Variants in MTMR2 observed in about 807,000 individuals in gnomAD.
MTMR2 encodes the protein phosphatidylinositol-3,5-bisphosphate 3-phosphatase MTMR2.
MTMR2 carries 55 observed loss-of-function variants against 86.9 expected under a neutral mutation model. The ratio of observed to expected loss-of-function variants is 0.63; its 90% CI spans 0.51 to 0.79. The LOEUF is 0.79. Ranked by LOEUF, MTMR2 falls within the 30% of genes least tolerant of loss-of-function variation. The pLI is 0.00. For synonymous variants in MTMR2, 241 were observed against 266.8 expected (o/e 0.90, Z 0.94); for missense variants, 659 against 772.3 (o/e 0.85, Z 1.74).
intron 1 of MTMR2, among the ~76,000 whole-genome samples, chr11:95,907,642 G>A (rs1027019296): frequency 6.6e-6 from 1 of 152,148 alleles, no homozygotes. Context: ...GAATCAAGCA[G>A]TGCATCAAAA....
chr11:95,853,100 T>C (rs1864085579), intron 7 of MTMR2, among the ~76,000 whole-genome samples: 1 of 148,908 alleles, frequency 6.7e-6, no homozygotes, highest in African/African-American at 2.4e-5. Context: ...GTGAAAAATA[T>C]ATATTTCATA....
At chr11:95,846,477 G>A (rs1254545574) in intron 10 of MTMR2, among the ~76,000 whole-genome samples, 1 of 152,166 alleles carries the variant, frequency 6.6e-6, no homozygotes, top group Non-Finnish European at 1.5e-5. Flanking sequence ...GGGAATGCTG[G>A]TAGAACTCTT....
rs1325185186 is a variant in MTMR2 at position 95,834,927 on chromosome 11, C to G, written c.*363G>C. 1.7e-5 allele frequency: 5 copies of G among 293,000 alleles called. No individual in the cohort carries two copies. In the Admixed American group the frequency reaches 1.8e-4, roughly 11 times the overall value. 18.2% of individuals were successfully genotyped at this position (293,000 alleles called of 1,614,324 possible). On this transcript the variant is annotated 3_prime_UTR_variant, in exon 15 of 15. Transcript: ENST00000346299. Reference sequence around the variant, plus strand: ...TGTTGGTTTGAAAACTGATGTTCCTCTGCACAGTGAGCACAGAGTGTATTT... The same window carrying G: ...TGTTGGTTTGAAAACTGATGTTCCTGTGCACAGTGAGCACAGAGTGTATTT...
In MTMR2 at chr11:95,852,094, AAGAC is replaced by A. The variant is rs1027425825; in HGVS notation, c.655-1349_655-1346del. 2.0e-5 allele frequency among the ~76,000 whole-genome samples: 3 copies of A among 152,352 alleles called. 1 individual carries two copies. Among genetic ancestry groups the A allele is most frequent in the African/African-American group, 7.2e-5 (3 of 41,588 alleles). On this transcript the variant is annotated intron_variant, in intron 7 of 14. Transcript: ENST00000346299. ...TCTGAAAATTCTTATCAAACAGAAA[AAGAC>A]AGAATTGAAAGTGAAAAATACATTT...
chr11:95,878,867 C>A (rs975618334), intron 2 of MTMR2, among the ~76,000 whole-genome samples: 33 of 152,124 alleles, frequency 2.2e-4, no homozygotes, highest in African/African-American at 8.0e-4. Context: ...AAATTTCTTT[C>A]ATTTCACCTC....
Position 95,835,589 on chromosome 11 carries a change from A to G in MTMR2, c.1771-138T>C, listed in dbSNP as rs1317590455. On this transcript the variant is annotated intron_variant, in intron 14 of 14. Coordinates refer to ENST00000346299, the MANE Select transcript of MTMR2 (RefSeq NM_016156.6). ...CTTTCCAACCCATCAGTGAAATTAA[A>G]TACCGGGACTGTGGACACCACTAAT... The G allele has an allele frequency of 1.0e-4, 87 of 847,412 alleles. 1 individual carries two copies. The East Asian group carries it at 1.6e-3, about 15-fold the overall frequency. 52.5% of individuals were successfully genotyped at this position (847,412 alleles called of 1,614,324 possible). A position where few individuals can be genotyped will look rare whatever the true frequency, so the allele number is the denominator to read the frequency against.
intron 1 of MTMR2, among the ~76,000 whole-genome samples, chr11:95,912,456 T>G (rs538105327): frequency 6.6e-6 from 1 of 151,858 alleles, no homozygotes; most frequent in African/African-American, 2.4e-5. Context: ...AAAATGACGT[T>G]TTTTAAAAAT....
At chr11:95,877,363 T>TTTTC (rs869076328) in intron 2 of MTMR2, among the ~76,000 whole-genome samples, 1 of 142,628 alleles carries the variant, frequency 7.0e-6, no homozygotes, top group Non-Finnish European at 1.5e-5. Context: ...TTTTTTTTTT[T>TTTTC]ATATAACACA....
At chr11:95,914,211 T>C in intron 1 of MTMR2, 1 of 971,974 alleles carries the variant, frequency 1.0e-6, no homozygotes, top group Non-Finnish European at 1.2e-6. Flanking sequence ...CTTTTGTCCA[T>C]TTTTATATCT....
At chr11:95,853,018 C>T (rs117967531) in intron 7 of MTMR2, among the ~76,000 whole-genome samples, 2,555 of 148,062 alleles carry the variant, frequency 0.017, 38 homozygotes, top group South Asian at 0.065. Flanking sequence ...CTGGGTGACA[C>T]GGCGAGATTC....
Position 95,861,402 on chromosome 11 carries a change from GTTATTA to G in MTMR2, c.468+584_468+589del, listed in dbSNP as rs149187983. Among the ~76,000 whole-genome samples, 332 of 140,938 alleles carry G rather than the reference GTTATTA, an allele frequency of 2.4e-3. 1 individual carries two copies. The highest frequency in any genetic ancestry group is 7.6e-3 in the South Asian group (33 of 4,334). 92.5% of individuals were successfully genotyped at this position (140,938 alleles called of 152,430 possible). ...ATCAGTACTATGTGCATTAAAGATG[GTTATTA>G]TTATTATTATTATTATTATTATTAT... is the stretch of plus-strand genomic sequence containing the variant. On this transcript the variant is annotated intron_variant, in intron 5 of 14. Coordinates refer to ENST00000346299, the MANE Select transcript of MTMR2 (RefSeq NM_016156.6).
chr11:95,858,496 T>A (rs748078391), intron 6 of MTMR2, 35 bp downstream of exon 6: 1 of 1,388,272 alleles, frequency 7.2e-7, no homozygotes, highest in East Asian at 2.3e-5. Flanking sequence ...TCAATAATTA[T>A]AGCACAAATT....
In MTMR2 at chr11:95,849,665, C is replaced by G. The variant is rs201595704; in HGVS notation, c.993+9G>C. The G allele has an allele frequency of 7.2e-5, 114 of 1,589,908 alleles. 1 individual carries two copies. The East Asian group carries it at 2.5e-3, about 35-fold the overall frequency. ...AACCATAATTATAATTACTAAGAGACCATCTGACCTTGTTGGCAACAGCAT... is the reference window on the plus strand; with the variant it reads ...AACCATAATTATAATTACTAAGAGAGCATCTGACCTTGTTGGCAACAGCAT... On this transcript the variant is annotated intron_variant, in intron 9 of 14. Transcript: ENST00000346299.
rs1287547295 is a variant in MTMR2, at chr11:95,833,294, C to T, written c.*1996G>A. The T allele has an allele frequency of 6.6e-6, 1 of 152,018 alleles. No individual in the cohort carries two copies. The highest frequency in any genetic ancestry group is 1.5e-5 in the Non-Finnish European group (1 of 67,992). 9.4% of individuals were successfully genotyped at this position (152,018 alleles called of 1,614,324 possible). A position where few individuals can be genotyped will look rare whatever the true frequency, so the allele number is the denominator to read the frequency against. On this transcript the variant is annotated 3_prime_UTR_variant, in exon 15 of 15. Transcript: ENST00000346299. ...AGCTTCAACTTAATCATACTGGTCT[C>T]TAAATTTTGTAACCCTAATCAAAAA...
chr11:95,882,471 G>A (rs1173492266), intron 2 of MTMR2: 1 of 151,618 alleles, frequency 6.6e-6, no homozygotes, highest in Non-Finnish European at 1.5e-5. Flanking sequence ...ATGCACTCCA[G>A]CCTAGGGGAT....
At chr11:95,856,184 A>C (rs1200530155) in intron 7 of MTMR2, among the ~76,000 whole-genome samples, 1 of 152,158 alleles carries the variant, frequency 6.6e-6, no homozygotes, top group Non-Finnish European at 1.5e-5. Context: ...TTTGAAAAAA[A>C]TACTCAGGAA....
intron 1 of MTMR2, among the ~76,000 whole-genome samples, chr11:95,903,091 G>A (rs148925526): frequency 2.6e-4 from 39 of 152,058 alleles, no homozygotes; most frequent in African/African-American, 6.3e-4. Flanking sequence ...TTCCTCTTCC[G>A]CAATGATCTT....
chr11:95,923,592 G>T, intron 1 of MTMR2: 1 of 1,141,444 alleles, frequency 8.8e-7, no homozygotes, highest in Non-Finnish European at 1.1e-6. Context: ...GGGAATGAAA[G>T]ACAGGAGAAA....
chr11:95,915,574 G>A (rs980401040), intron 1 of MTMR2, among the ~76,000 whole-genome samples: 1 of 152,012 alleles, frequency 6.6e-6, no homozygotes, highest in Non-Finnish European at 1.5e-5. Flanking sequence ...AAATGTTTAG[G>A]TCAAAGATAT....
Sources: allele counts gnomAD v4.1 joint callset (sites outside exome capture counted in the v4.1 genomes callset), GRCh38; gene constraint gnomAD v4.1.1; transcripts MANE v1.5; gene names NCBI Gene and HGNC (gene_info 2026-07-23, HGNC 2026-07-21).